STPG2: variants seen among roughly 807,000 people sequenced by gnomAD.
STPG2 encodes the protein sperm-tail PG-rich repeat-containing protein 2.
A neutral mutation model predicts 54.2 loss-of-function variants in STPG2; 56 were observed. The observed-to-expected ratio is 1.03, with a 90% confidence interval of 0.83 to 1.29. The LOEUF (loss-of-function observed/expected upper bound fraction) is 1.29, where lower values mean the gene tolerates loss of function less well. STPG2 is among the 50% of genes most tolerant of loss of function. STPG2 has a pLI of 0.00. For missense variants in STPG2, 596 were observed against 544.9 expected, an observed-to-expected ratio of 1.09 and a Z score of -0.93; for synonymous variants, 200 against 181.8, an observed-to-expected ratio of 1.10 and a Z score of -0.81.
chr4:97,532,112 T>C (rs1463925944), intron 4 of STPG2, among the ~76,000 whole-genome samples: 1 of 152,154 alleles, frequency 6.6e-6, no homozygotes, highest in Non-Finnish European at 1.5e-5. Context: ...TCTAATAATT[T>C]TGTATGTAAT....
rs1730606020 is a variant in STPG2 at position 97,496,088 on chromosome 4, A to G, written c.462+216611T>C. Among the ~76,000 whole-genome samples, 2 of 151,704 alleles carry G rather than the reference A, an allele frequency of 1.3e-5. 1 individual carries two copies. The highest frequency in any genetic ancestry group is 1.3e-4 in the Admixed American group (2 of 15,168). On this transcript the variant is annotated intron_variant, in intron 4 of 4. Coordinates refer to the STPG2 transcript ENST00000522676. ...ATATGTCCTAAAAATTAGATGACTA[A>G]CACTTTAATAAAGGCAAAATATTTA...
chr4:97,478,817 G>T (rs1348592363), intron 4 of STPG2, among the ~76,000 whole-genome samples: 1 of 150,876 alleles, frequency 6.6e-6, no homozygotes, highest in African/African-American at 2.4e-5. Flanking sequence ...TTGTTAAATT[G>T]ATTTACAAGT....
intron 4 of STPG2, among the ~76,000 whole-genome samples, chr4:97,457,029 T>C (rs1729545610): frequency 6.6e-6 from 1 of 151,656 alleles, no homozygotes; most frequent in South Asian, 2.1e-4. Context: ...CATTAGAGAA[T>C]TGCAAATGAA....
chr4:97,701,508 T>C (rs1039820351), intron 10 of STPG2, among the ~76,000 whole-genome samples: 4 of 152,172 alleles, frequency 2.6e-5, no homozygotes, highest in Non-Finnish European at 5.9e-5. Context: ...GGAAAAAAGA[T>C]TAACAGCATA....
At position 97,793,370 on chromosome 4, in the gene STPG2, TACACACACAC is replaced by T. The variant is rs3046530; in HGVS notation, c.1204+47393_1204+47402del. Among the ~76,000 whole-genome samples the T allele has an allele frequency of 4.3e-3, 640 of 147,972 alleles. 3 individuals are homozygous for T. The highest frequency in any genetic ancestry group is 0.025 in the South Asian group (115 of 4,654). On this transcript the variant is annotated intron_variant, in intron 9 of 10. Coordinates refer to ENST00000295268, the MANE Select transcript of STPG2 (RefSeq NM_174952.3). Reference sequence around the variant, plus strand: ...ATATATAAAATTAGAGTTTTATATATACACACACACACACACACACACACACACACACAGA... The same window carrying T: ...ATATATAAAATTAGAGTTTTATATATACACACACACACACACACACACAGA...
Position 98,010,882 on chromosome 4 carries a change from T to A in STPG2, c.613-29564A>T, listed in dbSNP as rs1251535813. On this transcript the variant is annotated intron_variant, in intron 5 of 10. Coordinates refer to ENST00000295268, the MANE Select transcript of STPG2 (RefSeq NM_174952.3). Reference sequence around the variant, plus strand: ...ATTTTAAGCTAATAAGAACATAACTTCAACTGCATATAAAAATTCAATATT... The same window carrying A: ...ATTTTAAGCTAATAAGAACATAACTACAACTGCATATAAAAATTCAATATT... 2.6e-5 allele frequency among the ~76,000 whole-genome samples: 4 copies of A among 152,210 alleles called. 1 individual carries two copies. Among genetic ancestry groups the A allele is most frequent in the African/African-American group, 9.6e-5 (4 of 41,460 alleles).
At position 98,045,997 on chromosome 4, in the gene STPG2, T is replaced by A. The variant is rs1578809992; in HGVS notation, c.612+59956A>T. 3.9e-5 allele frequency among the ~76,000 whole-genome samples: 6 copies of A among 152,294 alleles called. No homozygotes were observed. The South Asian group carries it at 1.2e-3, about 32-fold the overall frequency. On this transcript the variant is annotated intron_variant, in intron 5 of 10. Coordinates refer to ENST00000295268, the MANE Select transcript of STPG2 (RefSeq NM_174952.3). ...TTAATTCAAATAATGTATACATTGT[T>A]CTGCTGAGTGGTATCCATAAGTCCC...
At chr4:97,902,099 C>A (rs10015730) in intron 8 of STPG2, among the ~76,000 whole-genome samples, 1,810 of 152,022 alleles carry the variant, frequency 0.012, 16 homozygotes, top group Non-Finnish European at 0.019. Flanking sequence ...ACCTGAGTAT[C>A]CATGAGCAAA....
rs142342055 is a variant in STPG2, at chr4:97,840,888, C to T, written c.1089G>A (p.Glu363=). The change falls in exon 9 of 11, where the codon GAG becomes GAA. Residue 363 remains glutamate (E), a synonymous_variant. Coordinates refer to ENST00000295268, the MANE Select transcript of STPG2 (RefSeq NM_174952.3). Reference sequence around the variant, plus strand: ...TATATTTATGCTTAACTTGGGACATCTCATATGATTTGTGAACATCATAGC... The same window carrying T: ...TATATTTATGCTTAACTTGGGACATTTCATATGATTTGTGAACATCATAGC... ...PGSYDVHKSY[E]MSQVKHKYMP... 7 of 1,611,866 alleles carry T rather than the reference C, an allele frequency of 4.3e-6. No homozygotes were observed. In the African/African-American group the frequency reaches 9.4e-5, roughly 22 times the overall value.
chr4:97,711,109 T>C lies in STPG2; in HGVS notation c.1320+1590A>G, dbSNP rs550029767. On this transcript the variant is annotated intron_variant, in intron 10 of 10. Transcript: ENST00000295268. ...TAGTGGGAACATCCTTTACGAAGAA[T>C]GCATCACAAAATGAAACAGGATACC... 2.0e-3 allele frequency among the ~76,000 whole-genome samples: 302 copies of C among 152,204 alleles called. 1 individual carries two copies. The highest frequency in any genetic ancestry group is 6.9e-3 in the African/African-American group (288 of 41,572).
intron 7 of STPG2, among the ~76,000 whole-genome samples, chr4:97,948,726 G>A (rs1049955997): frequency 2.0e-5 from 3 of 152,014 alleles, no homozygotes; most frequent in Non-Finnish European, 4.4e-5. Context: ...AGTTTTGAGG[G>A]TTTCTTCTGG....
At chr4:97,797,250 AT>A (rs1420544972) in intron 9 of STPG2, among the ~76,000 whole-genome samples, 1 of 152,212 alleles carries the variant, frequency 6.6e-6, no homozygotes, top group Non-Finnish European at 1.5e-5. Flanking sequence ...GAGAGAGGGC[AT>A]CCCTGTCTTG....
intron 4 of STPG2, among the ~76,000 whole-genome samples, chr4:97,545,557 A>T (rs1553936380): frequency 6.6e-6 from 1 of 152,142 alleles, no homozygotes. Context: ...GAGTGGAAAT[A>T]AGTTTCAAAT....
chr4:97,890,381 G>C (rs1345510710), intron 8 of STPG2, among the ~76,000 whole-genome samples: 2 of 151,916 alleles, frequency 1.3e-5, no homozygotes, highest in Non-Finnish European at 2.9e-5. Context: ...TTTTGTAAAA[G>C]AGTGAAAAGC....
intron 4 of STPG2, among the ~76,000 whole-genome samples, chr4:97,523,253 G>A (rs1236661961): frequency 6.6e-6 from 1 of 151,798 alleles, no homozygotes; most frequent in Non-Finnish European, 1.5e-5. Context: ...GATTTGGATT[G>A]TAATAGAGTC....
chr4:98,095,526 CATCA>C (rs1266683608), intron 5 of STPG2, among the ~76,000 whole-genome samples: 3 of 152,140 alleles, frequency 2.0e-5, no homozygotes, highest in Non-Finnish European at 4.4e-5. Flanking sequence ...GCTATACTTA[CATCA>C]GTCAACATGG....
chr4:97,915,551 AG>A (rs1220817592), intron 8 of STPG2, among the ~76,000 whole-genome samples: 4 of 152,116 alleles, frequency 2.6e-5, no homozygotes, highest in African/African-American at 9.7e-5. Context: ...AAGGTAGAAG[AG>A]GAAGAGAAGA....
Position 97,737,100 on chromosome 4 carries a change from G to A in STPG2, c.1205-24286C>T, listed in dbSNP as rs146324652. 6.7e-3 allele frequency among the ~76,000 whole-genome samples: 1,015 copies of A among 152,328 alleles called. 12 individuals are homozygous for A. Among genetic ancestry groups the A allele is most frequent in the African/African-American group, 0.023 (964 of 41,560 alleles). On this transcript the variant is annotated intron_variant, in intron 9 of 10. Transcript: ENST00000295268. ...ACCGCTGCTGGAACCCAGGCAACCAGGGTCTGGAGTGGACCTCTAGCAAAC... is the reference window on the plus strand; with the variant it reads ...ACCGCTGCTGGAACCCAGGCAACCAAGGTCTGGAGTGGACCTCTAGCAAAC...
chr4:97,990,580 T>TA (rs1560625180), intron 5 of STPG2, among the ~76,000 whole-genome samples: 2 of 152,152 alleles, frequency 1.3e-5, no homozygotes, highest in African/African-American at 2.4e-5. Flanking sequence ...TACTTTTTAA[T>TA]AAGCCCCACA....
Sources: gnomAD v4.1 joint callset for allele counts (sites outside exome capture counted in the v4.1 genomes callset) on GRCh38, gnomAD v4.1.1 for gene constraint, MANE v1.5 for transcripts, NCBI Gene and HGNC (gene_info 2026-07-23, HGNC 2026-07-21) for gene names.